Variants in TBC1D22A observed in about 807,000 individuals in gnomAD.
TBC1D22A encodes the protein putative GTPase activator.
Under a neutral mutation model 60.2 loss-of-function variants are expected in TBC1D22A, and 38 were observed. That is an observed-to-expected ratio of 0.63 (90% CI 0.49 to 0.83). The LOEUF is 0.83. Among genes scored for constraint, TBC1D22A ranks in the 40% least tolerant of loss-of-function variants. TBC1D22A has a pLI of 0.00. For synonymous variants in TBC1D22A, 302 were observed against 281.7 expected (o/e 1.07, Z -0.72); for missense variants, 628 against 701.0 (o/e 0.90, Z 1.18).
At chr22:46,890,044 C>A (rs530078609) in intron 5 of TBC1D22A, among the ~76,000 whole-genome samples, 4 of 152,042 alleles carry the variant, frequency 2.6e-5, no homozygotes, top group Admixed American at 6.5e-5. Flanking sequence ...AACTGTGCTT[C>A]GAAAATATTT....
intron 12 of TBC1D22A, among the ~76,000 whole-genome samples, chr22:47,136,146 C>T (rs2066863060): frequency 6.6e-6 from 1 of 152,220 alleles, no homozygotes; most frequent in Non-Finnish European, 1.5e-5. Context: ...GGGCCAAGGC[C>T]CAGGCTCCCT....
intron 8 of TBC1D22A, among the ~76,000 whole-genome samples, chr22:46,932,152 A>G (rs1169113284): frequency 6.6e-6 from 1 of 152,236 alleles, no homozygotes; most frequent in African/African-American, 2.4e-5. Context: ...GATGGTGACT[A>G]GTGGCGGGTT....
chr22:46,895,574 G>C (rs1014032595), intron 7 of TBC1D22A, among the ~76,000 whole-genome samples: 6 of 152,130 alleles, frequency 3.9e-5, no homozygotes, highest in Admixed American at 1.3e-4. Flanking sequence ...GATTTGCCTT[G>C]TTGGCCAGGC....
chr22:46,865,010 G>T (rs796527805), intron 4 of TBC1D22A, among the ~76,000 whole-genome samples: 14 of 152,298 alleles, frequency 9.2e-5, no homozygotes, highest in African/African-American at 3.4e-4. Flanking sequence ...CAATACCTGT[G>T]GCATCTGTCC....
In TBC1D22A at chr22:47,104,844, A is replaced by T. The variant is rs146112339; in HGVS notation, c.1330-6664A>T. On this transcript the variant is annotated intron_variant, in intron 11 of 12. Transcript: ENST00000337137. ...TTCTATTATCCCAGATCTTTAGACA[A>T]ACTCAACCAGTTGTCAACTAGAACA... Among the ~76,000 whole-genome samples, 727 of 152,290 alleles carry T rather than the reference A, an allele frequency of 4.8e-3. 8 individuals are homozygous for T. Among genetic ancestry groups the T allele is most frequent in the African/African-American group, 0.017 (701 of 41,552 alleles).
Position 47,037,216 on chromosome 22 carries a change from C to T in TBC1D22A, c.1329+18C>T, listed in dbSNP as rs1357348429. 2.5e-6 allele frequency: 4 copies of T among 1,611,862 alleles called. No homozygotes were observed. Among genetic ancestry groups the T allele is most frequent in the East Asian group, 2.2e-5 (1 of 44,850 alleles). ...CCTACCAGGTGAGCTCTCCTTCGCA[C>T]CCTCCGCCATGGGGGTGCCAGGAGC... On this transcript the variant is annotated intron_variant, in intron 11 of 12. Coordinates refer to ENST00000337137, the MANE Select transcript of TBC1D22A (RefSeq NM_014346.5).
chr22:46,832,193 G>A (rs773087474), intron 4 of TBC1D22A, among the ~76,000 whole-genome samples: 1 of 152,198 alleles, frequency 6.6e-6, no homozygotes, highest in East Asian at 1.9e-4. Context: ...GGCAGGGAAG[G>A]GCCAAACTGG....
intron 11 of TBC1D22A, among the ~76,000 whole-genome samples, chr22:47,065,747 G>A (rs2063754468): frequency 1.4e-5 from 1 of 71,220 alleles, no homozygotes; most frequent in South Asian, 5.1e-4. Flanking sequence ...GGTTTTTAGT[G>A]TTGTGTTTTG....
chr22:46,964,929 G>A (rs117626979), intron 8 of TBC1D22A, among the ~76,000 whole-genome samples: 5 of 152,350 alleles, frequency 3.3e-5, no homozygotes, highest in East Asian at 3.9e-4. Context: ...CTGCACGCCC[G>A]TTCTTGCTCT....
chr22:46,766,444 T>G (rs1267071891), intron 1 of TBC1D22A, among the ~76,000 whole-genome samples: 1 of 152,216 alleles, frequency 6.6e-6, no homozygotes, highest in Non-Finnish European at 1.5e-5. Context: ...TTCCTCTTTG[T>G]TTTTGAGTGC....
At chr22:46,764,718 G>A (rs1255716895) in intron 1 of TBC1D22A, among the ~76,000 whole-genome samples, 5 of 152,168 alleles carry the variant, frequency 3.3e-5, no homozygotes, top group Admixed American at 1.3e-4. Flanking sequence ...AATACAGAGA[G>A]ACACACACAG....
chr22:46,919,393 C>G (rs1465746829), intron 8 of TBC1D22A, among the ~76,000 whole-genome samples: 2 of 152,178 alleles, frequency 1.3e-5, no homozygotes, highest in Non-Finnish European at 2.9e-5. Context: ...CGTTGTGTTT[C>G]TCCACTCATC....
rs189384020 is a variant in TBC1D22A, at chr22:47,090,535, C to T, written c.1330-20973C>T. Among the ~76,000 whole-genome samples the T allele has an allele frequency of 1.0e-3, 153 of 152,348 alleles. 1 individual carries two copies. The highest frequency in any genetic ancestry group is 6.8e-3 in the Middle Eastern group (2 of 294). On this transcript the variant is annotated intron_variant, in intron 11 of 12. Transcript: ENST00000337137. ...TAGAAAATGAGCACCTGTGTCCCCT[C>T]CAGGTGGATGCTGGGCCTGCAGAAG...
intron 5 of TBC1D22A, among the ~76,000 whole-genome samples, chr22:46,889,843 G>A (rs938322388): frequency 4.9e-4 from 75 of 152,212 alleles, no homozygotes; most frequent in Admixed American, 3.3e-4. Flanking sequence ...GGGATGGACT[G>A]CAGAGGATAC....
At chr22:47,053,306 G>A (rs1375487942) in intron 11 of TBC1D22A, among the ~76,000 whole-genome samples, 2 of 152,214 alleles carry the variant, frequency 1.3e-5, no homozygotes, top group Admixed American at 6.5e-5. Context: ...CACGTCCGCA[G>A]TGGAGAAGGT....
At chr22:46,789,357 C>T in intron 1 of TBC1D22A, 1 of 457,344 alleles carries the variant, frequency 2.2e-6, no homozygotes, top group Non-Finnish European at 4.5e-6. Context: ...GATCTCCTGA[C>T]CTCGTGATCC....
intron 1 of TBC1D22A, among the ~76,000 whole-genome samples, chr22:46,767,570 C>T (rs547804003): frequency 1.3e-5 from 2 of 152,138 alleles, no homozygotes; most frequent in South Asian, 2.1e-4. Context: ...GTGGGAGAGC[C>T]GGGTATAAAT....
At chr22:47,098,431 G>C (rs1049516878) in intron 11 of TBC1D22A, among the ~76,000 whole-genome samples, 2 of 152,172 alleles carry the variant, frequency 1.3e-5, no homozygotes, top group African/African-American at 4.8e-5. Context: ...GCCACCCCCA[G>C]GTGGCCTGTG....
rs1001440974 is a variant in TBC1D22A, at chr22:46,990,492, A to G, written c.1126-7142A>G. Among the ~76,000 whole-genome samples the G allele has an allele frequency of 3.9e-5, 6 of 152,136 alleles. No individual in the cohort carries two copies. The highest frequency in any genetic ancestry group is 1.3e-4 in the Admixed American group (2 of 15,280). Reference sequence around the variant, plus strand: ...ACTTCAGTGTGGCATATGTGTTACAATTGAGGAGCCAATATCGATACATTA... The same window carrying G: ...ACTTCAGTGTGGCATATGTGTTACAGTTGAGGAGCCAATATCGATACATTA... On this transcript the variant is annotated intron_variant, in intron 9 of 12. Transcript: ENST00000337137. The surrounding 1 kb of genome is among the most constrained non-coding windows in gnomAD (Gnocchi z 4.6).
Sources: allele counts gnomAD v4.1 joint callset (sites outside exome capture counted in the v4.1 genomes callset), GRCh38; gene constraint gnomAD v4.1.1; non-coding constraint Gnocchi (gnomAD v3.1); transcripts MANE v1.5; gene names NCBI Gene and HGNC (gene_info 2026-07-23, HGNC 2026-07-21).